The following SLC37A2 variants were observed in gnomAD, a reference collection of about 807,000 sequenced individuals.
SLC37A2 encodes solute carrier family 37 member 2.
Under a neutral mutation model 70.7 loss-of-function variants are expected in SLC37A2, and 59 were observed. The ratio of observed to expected loss-of-function variants is 0.83; its 90% CI spans 0.68 to 1.04. The LOEUF is 1.04. Among genes scored for constraint, SLC37A2 ranks in the 50% least tolerant of loss-of-function variants. The pLI, the probability that SLC37A2 is intolerant of heterozygous loss-of-function variation, is 0.00. For synonymous variants in SLC37A2, 257 were observed against 262.1 expected (o/e 0.98, Z 0.19); for missense variants, 580 against 658.1 (o/e 0.88, Z 1.30).
chr11:125,066,344 G>A (rs944612487), intron 1 of SLC37A2, among the ~76,000 whole-genome samples: 1 of 152,202 alleles, frequency 6.6e-6, no homozygotes, highest in African/African-American at 2.4e-5. Context: ...TGGGACTGTA[G>A]TGCACCATGA....
Position 125,083,903 on chromosome 11 carries a change from C to T in SLC37A2, c.1039+26C>T, listed in dbSNP as rs765241184. 20 of 1,609,848 alleles carry T rather than the reference C, an allele frequency of 1.2e-5. No homozygotes were observed. The highest frequency in any genetic ancestry group is 8.3e-5 in the Admixed American group (5 of 59,998). On this transcript the variant is annotated intron_variant, in intron 11 of 17. Coordinates refer to ENST00000403796, the MANE Select transcript of SLC37A2 (RefSeq NM_001145290.2). The surrounding 1 kb of genome is among the most constrained non-coding windows in gnomAD (Gnocchi z 4.6). ...GTGAGGCCTTGCCCTGCTCTGCCAGCAGGCTCCCTTCCCCTCTTTTCTTGT... is the reference window on the plus strand; with the variant it reads ...GTGAGGCCTTGCCCTGCTCTGCCAGTAGGCTCCCTTCCCCTCTTTTCTTGT...
At position 125,082,240 on chromosome 11, in the gene SLC37A2, C is replaced by G. The variant is rs1350874154; in HGVS notation, c.886-4C>G. On this transcript the variant is annotated splice_region_variant and splice_polypyrimidine_tract_variant and intron_variant, in intron 9 of 17. Transcript: ENST00000403796. Reference sequence around the variant, plus strand: ...TCCCATGTGCCCCCTGTTGCACTCCCCAGGGCGTGGTCGAGTTCTCTCTGT... The same window carrying G: ...TCCCATGTGCCCCCTGTTGCACTCCGCAGGGCGTGGTCGAGTTCTCTCTGT... The G allele has an allele frequency of 1.9e-6, 3 of 1,613,796 alleles. No homozygotes were observed. The highest frequency in any genetic ancestry group is 2.5e-6 in the Non-Finnish European group (3 of 1,179,802).
chr11:125,084,648 C>G (rs964593120), intron 12 of SLC37A2, among the ~76,000 whole-genome samples, 177 bp from the exon 13 acceptor site: 1 of 152,200 alleles, frequency 6.6e-6, no homozygotes, highest in African/African-American at 2.4e-5. Context: ...TAGAGTACCA[C>G]GTTTTAGACC....
Position 125,075,894 on chromosome 11 carries a change from C to T in SLC37A2, c.60-863C>T, listed in dbSNP as rs1226194875. Among the ~76,000 whole-genome samples, 8 of 152,166 alleles carry T rather than the reference C, an allele frequency of 5.3e-5. 1 individual carries two copies. Among genetic ancestry groups the T allele is most frequent in the African/African-American group, 1.7e-4 (7 of 41,450 alleles). Reference sequence around the variant, plus strand: ...AGTCTTCAGTGAGCCCTGGGTCTCGCCTAACTCCTGGCCCCTTCTCCTGGA... The same window carrying T: ...AGTCTTCAGTGAGCCCTGGGTCTCGTCTAACTCCTGGCCCCTTCTCCTGGA... On this transcript the variant is annotated intron_variant, in intron 1 of 17. Transcript: ENST00000403796.
intron 1 of SLC37A2, among the ~76,000 whole-genome samples, chr11:125,074,040 A>C (rs934392404): frequency 1.3e-5 from 2 of 152,164 alleles, no homozygotes; most frequent in Non-Finnish European, 2.9e-5. Flanking sequence ...CTTCCCAGCC[A>C]GCTCTGCTTC....
intron 10 of SLC37A2, 42 bp downstream of exon 10, chr11:125,082,376 C>T: frequency 6.4e-7 from 1 of 1,570,560 alleles, no homozygotes; most frequent in Middle Eastern, 1.7e-4. Context: ...TCTGAGGAGG[C>T]CAAGGCTGCC....
At chr11:125,082,051 C>T in intron 9 of SLC37A2, 145 bp downstream of exon 9, 1 of 1,058,208 alleles carries the variant, frequency 9.4e-7, no homozygotes, top group Non-Finnish European at 1.4e-6. Context: ...TTGGGGAGGG[C>T]AGTGTGGGAG....
chr11:125,065,612 T>G (rs79750031), intron 1 of SLC37A2, among the ~76,000 whole-genome samples: 4,302 of 151,608 alleles, frequency 0.028, 203 homozygotes, highest in African/African-American at 0.099. Context: ...TCTTGGGAGG[T>G]TTTTCTTAGT....
chr11:125,081,858 A>C lies in SLC37A2; in HGVS notation c.837A>C (p.Pro279=). The C allele has an allele frequency of 6.2e-7, 1 of 1,613,886 alleles. No individual in the cohort carries two copies. The highest frequency in any genetic ancestry group is 8.5e-7 in the Non-Finnish European group (1 of 1,179,842). ...CTGTGGCCAAATGCTCCAAGGGGCC[A>C]TGCGAAGAGCCTGCTGCCATCAGCT... The part of the protein sequence containing the change: ...LETVAKCSKG[P]CEEPAAISFF... Residue 279 remains proline (P), a synonymous_variant, in exon 9 of 18, where the codon CCA becomes CCC. Transcript: ENST00000403796.
intron 5 of SLC37A2, 92 bp from the exon 6 acceptor site, chr11:125,079,592 G>A (rs942270907): frequency 2.2e-5 from 23 of 1,037,838 alleles, no homozygotes; most frequent in Admixed American, 4.4e-5. Context: ...CCTTGGCCAC[G>A]AAATTGAACC....
intron 14 of SLC37A2, 24 bp from the exon 15 acceptor site, chr11:125,085,370 TC>T: frequency 1.2e-6 from 2 of 1,609,236 alleles, no homozygotes; most frequent in Non-Finnish European, 1.7e-6. Context: ...CAGCTGGGCT[TC>T]CCCACTCCAC....
rs1472091531 is a variant in SLC37A2 at position 125,076,801 on chromosome 11, G to C, written c.104G>C (p.Cys35Ser). 6.2e-7 allele frequency: 1 copy of C among 1,614,030 alleles called. No individual in the cohort carries two copies. Among genetic ancestry groups the C allele is most frequent in the African/African-American group, 1.3e-5 (1 of 74,906 alleles). The change falls in exon 2 of 18, where the codon TGC (cysteine) becomes TCC (serine). Residue 35 changes from cysteine to serine, a missense_variant. By Grantham distance (112) the Cys-to-Ser change is moderately radical (BLOSUM62 -1). Transcript: ENST00000403796. ...ILLLTFLIYA[C>S]YHMSRKPISI... is the part of the protein sequence containing the mutation. Reference sequence around the variant, plus strand: ...CTGCTGACCTTCCTAATTTACGCCTGCTATCACATGTCCAGGAAGCCTATC... The same window carrying C: ...CTGCTGACCTTCCTAATTTACGCCTCCTATCACATGTCCAGGAAGCCTATC...
At chr11:125,079,290 G>T in intron 5 of SLC37A2, 43 bp downstream of exon 5, 1 of 1,612,508 alleles carries the variant, frequency 6.2e-7, no homozygotes, top group South Asian at 1.1e-5. Flanking sequence ...TTGCCGTCTC[G>T]GGAAGGACCT....
chr11:125,071,853 A>AGGGGGGTGGGGGGGG (rs1565394879), intron 1 of SLC37A2, among the ~76,000 whole-genome samples: 1 of 64,400 alleles, frequency 1.6e-5, no homozygotes, highest in Non-Finnish European at 4.0e-5. Context: ...CTTGTGGGGG[A>AGGGGGGTGGGGGGGG]GGGGGGGTGG....
At chr11:125,067,504 G>A (rs574474146) in intron 1 of SLC37A2, among the ~76,000 whole-genome samples, 2 of 152,188 alleles carry the variant, frequency 1.3e-5, no homozygotes, top group East Asian at 3.9e-4. Flanking sequence ...CCTAGAGAAG[G>A]CTGAGCATCT....
chr11:125,082,428 C>A, intron 10 of SLC37A2, 94 bp downstream of exon 10: 2 of 1,034,320 alleles, frequency 1.9e-6, no homozygotes, highest in Non-Finnish European at 3.1e-6. Context: ...GCCTGTGATT[C>A]CAGTATATAG....
At chr11:125,066,505 G>A (rs1591625640) in intron 1 of SLC37A2, among the ~76,000 whole-genome samples, 1 of 152,350 alleles carries the variant, frequency 6.6e-6, no homozygotes, top group East Asian at 1.9e-4. Flanking sequence ...GTAGGTGACA[G>A]AGACTTAAAA....
chr11:125,081,720 C>T (rs369741105), intron 8 of SLC37A2, 34 bp from the exon 9 acceptor site: 213 of 1,534,780 alleles, frequency 1.4e-4, no homozygotes, highest in Non-Finnish European at 1.6e-4. Flanking sequence ...AGCACATGGA[C>T]GCACCCACAG....
At position 125,063,312 on chromosome 11, in the gene SLC37A2, G is replaced by T; in HGVS notation, c.-56G>T. On this transcript the variant is annotated 5_prime_UTR_variant, in exon 1 of 18. Transcript: ENST00000403796. The surrounding 1 kb of genome is among the most constrained non-coding windows in gnomAD (Gnocchi z 5.4). ...TGACAGCCAGTCCAGCCCGGGACAC[G>T]CGCCCAGCTCTGTAGCCTCCTCCGT... 6.7e-7 allele frequency: 1 copy of T among 1,502,456 alleles called. No homozygotes were observed. Among genetic ancestry groups the T allele is most frequent in the South Asian group, 1.2e-5 (1 of 84,696 alleles). 93.1% of individuals were successfully genotyped at this position (1,502,456 alleles called of 1,614,324 possible).
Sources: gnomAD v4.1 joint callset for allele counts (sites outside exome capture counted in the v4.1 genomes callset) on GRCh38, gnomAD v4.1.1 for gene constraint, Gnocchi (gnomAD v3.1) non-coding constraint, MANE v1.5 for transcripts, NCBI Gene and HGNC (gene_info 2026-07-23, HGNC 2026-07-21) for gene names.